CEP131: variants seen among roughly 807,000 people sequenced by gnomAD.
The protein encoded by CEP131 is centrosomal protein of 131 kDa.
CEP131 carries 99 observed loss-of-function variants against 136.8 expected under a neutral mutation model. That is an observed-to-expected ratio of 0.72 (90% confidence interval 0.62 to 0.86). The LOEUF is 0.86. CEP131 is among the 40% of genes least tolerant of loss of function. The probability of loss-of-function intolerance (pLI) is 0.00; values close to 1 mark genes in which losing one functional copy is unlikely to be tolerated. For missense variants in CEP131, 1,459 were observed against 1,463.0 expected, an observed-to-expected ratio of 1.00 and a Z score of 0.04; for synonymous variants, 646 against 612.7, an observed-to-expected ratio of 1.05 and a Z score of -0.80.
intron 19 of CEP131, 51 bp downstream of exon 19, chr17:81,192,685 G>GGGGGGGGGGGGGGCCCCCCC: frequency 1.0e-5 from 5 of 478,402 alleles, no homozygotes; most frequent in Non-Finnish European, 2.0e-5. Context: ...GGGGGGAGGG[G>GGGGGGGGGGGGGGCCCCCCC]TCAGCCAGCG....
chr17:81,209,266 C>G (rs2062082420), intron 2 of CEP131, among the ~76,000 whole-genome samples: 1 of 152,172 alleles, frequency 6.6e-6, no homozygotes, highest in Non-Finnish European at 1.5e-5. Context: ...CAAGCAGGAG[C>G]CCTTCACCCC....
In CEP131 at chr17:81,198,958, A is replaced by T; in HGVS notation, c.1206T>A (p.Pro402=). The change falls in exon 11 of 26, where the codon CCT becomes CCA. Residue 402 remains proline (P), a synonymous_variant. Coordinates refer to ENST00000450824, the MANE Select transcript of CEP131 (RefSeq NM_014984.4). ...GGCAGCGGTCTCCGGGGCCTGCAGC[A>T]GGGAGGCCACCACCTGCACAGCAGA... is the stretch of plus-strand genomic sequence containing the variant. ...LKANNTGGGL[P]AAGPGDRCLP... The T allele has an allele frequency of 6.4e-7, 1 of 1,574,166 alleles. No homozygotes were observed. The highest frequency in any genetic ancestry group is 8.6e-7 in the Non-Finnish European group (1 of 1,162,096).
At chr17:81,197,576 G>T in intron 13 of CEP131, 136 bp downstream of exon 13, 2 of 1,297,614 alleles carry the variant, frequency 1.5e-6, no homozygotes, top group Non-Finnish European at 2.0e-6. Flanking sequence ...GGGGCCGGGT[G>T]GGGGCTGGCG....
At chr17:81,202,469 C>T (rs1429384737) in intron 6 of CEP131, 71 bp from the exon 7 acceptor site, 2 of 1,537,208 alleles carry the variant, frequency 1.3e-6, no homozygotes, top group Admixed American at 3.6e-5. Context: ...GCAGCAGGTG[C>T]CCACTCCCGG....
In CEP131 at chr17:81,193,999, C is replaced by T. The variant is rs763110139; in HGVS notation, c.2248G>A (p.Glu750Lys). The change falls in exon 18 of 26, where the codon GAG (glutamate) becomes AAG (lysine). Residue 750 changes from glutamate to lysine, a missense_variant. By Grantham distance (56) the Glu-to-Lys change is moderately conservative. Transcript: ENST00000450824. ...RASQRCLRQA[E>K]ELREQLEREK... The stretch of plus-strand genomic sequence containing the variant: ...CGCTCCAGCTGCTCCCGCAGCTCCT[C>T]GGCCTGGCGCAGGCAGCGCTGCGAG... 17 of 1,555,340 alleles carry T rather than the reference C, an allele frequency of 1.1e-5. No homozygotes were observed. Among genetic ancestry groups the T allele is most frequent in the African/African-American group, 2.7e-5 (2 of 73,014 alleles).
Position 81,219,371 on chromosome 17 carries a change from G to A in CEP131, c.177+509C>T, listed in dbSNP as rs140716073. Among the ~76,000 whole-genome samples the A allele has an allele frequency of 0.012, 1,764 of 143,130 alleles. 24 individuals are homozygous for A. Among genetic ancestry groups the A allele is most frequent in the East Asian group, 0.059 (282 of 4,814 alleles). The allele number at this position is 143,130 out of a possible 152,430, so 93.9% of individuals were successfully genotyped here. On this transcript the variant is annotated intron_variant, in intron 2 of 25. Transcript: ENST00000450824. The surrounding 1 kb of genome is among the most constrained non-coding windows in gnomAD (Gnocchi z 4.0). ...TGCAACGGCACGATCTCGGCTCACCGCAACCTCTGCCTCCTGGGTTCGAGC... is the reference window on the plus strand; with the variant it reads ...TGCAACGGCACGATCTCGGCTCACCACAACCTCTGCCTCCTGGGTTCGAGC...
chr17:81,192,715 C>T (rs745806268), intron 19 of CEP131, 21 bp downstream of exon 19: 12 of 1,520,490 alleles, frequency 7.9e-6, no homozygotes, highest in South Asian at 1.1e-5. Flanking sequence ...TGGGAGAGGG[C>T]GTGGTGCCCC....
At position 81,189,975 on chromosome 17, in the gene CEP131, C is replaced by T. The variant is rs538869430; in HGVS notation, c.3108G>A (p.Arg1036=). The T allele has an allele frequency of 1.9e-6, 3 of 1,607,698 alleles. No homozygotes were observed. In the East Asian group the frequency reaches 6.7e-5, roughly 36 times the overall value. Residue 1036 remains arginine (R), a splice_region_variant and synonymous_variant, in exon 25 of 26, where the codon AGG becomes AGA. Transcript: ENST00000450824. ...CCTTCCTCGCGAGGGCTGTCTTCAC[C>T]CTGTGGGTAGTACATGGTAGGCTTC... ...QQLELEEVHR[R]VKTALARKEE...
Position 81,200,469 on chromosome 17 carries a change from G to A in CEP131, c.789-23C>T, listed in dbSNP as rs779761301. On this transcript the variant is annotated intron_variant, in intron 7 of 25. Coordinates refer to ENST00000450824, the MANE Select transcript of CEP131 (RefSeq NM_014984.4). ...AACCTGCCCGGAGAGCAGGACTCAG[G>A]GCCAAGACAGGACCAGCGCCCCGGC... 188 of 1,515,028 alleles carry A rather than the reference G, an allele frequency of 1.2e-4. 1 individual carries two copies. Among genetic ancestry groups the A allele is most frequent in the Admixed American group, 2.2e-4 (11 of 50,188 alleles). The allele number at this position is 1,515,028 out of a possible 1,614,324, so 93.8% of individuals were successfully genotyped here.
intron 1 of CEP131, among the ~76,000 whole-genome samples, chr17:81,221,666 T>C (rs2062391229): frequency 6.6e-6 from 1 of 152,152 alleles, no homozygotes; most frequent in Non-Finnish European, 1.5e-5. Context: ...TGAGCACCCA[T>C]CACTCTTCAC....
At chr17:81,200,813 G>A (rs1204617176) in intron 7 of CEP131, among the ~76,000 whole-genome samples, 6 of 152,224 alleles carry the variant, frequency 3.9e-5, no homozygotes, top group African/African-American at 1.2e-4. Context: ...CAACAGGCCC[G>A]GGACTCAGGC....
chr17:81,207,917 TA>T (rs2062043527), intron 3 of CEP131, among the ~76,000 whole-genome samples: 6 of 986 alleles, frequency 6.1e-3, no homozygotes, highest in Non-Finnish European at 4.4e-3. Context: ...ACACACCACA[TA>T]ACACACACAC....
intron 10 of CEP131, 36 bp downstream of exon 10, chr17:81,199,345 C>T (rs1049354631): frequency 3.2e-6 from 5 of 1,553,980 alleles, no homozygotes; most frequent in Non-Finnish European, 4.3e-6. Context: ...CTGCAGTCCA[C>T]CCCCCAGAGC....
intron 18 of CEP131, among the ~76,000 whole-genome samples, chr17:81,193,384 G>C (rs2061685470): frequency 6.6e-6 from 1 of 152,310 alleles, no homozygotes; most frequent in Middle Eastern, 3.4e-3. Flanking sequence ...AGGAGAGGGT[G>C]GCTTCCAGGC....
intron 2 of CEP131, among the ~76,000 whole-genome samples, chr17:81,212,821 A>C (rs2062164609): frequency 2.0e-5 from 3 of 152,170 alleles, no homozygotes; most frequent in Non-Finnish European, 4.4e-5. Flanking sequence ...AGGACGCACA[A>C]CACCAATGGT....
chr17:81,214,782 AT>A (rs1203736932), intron 2 of CEP131, among the ~76,000 whole-genome samples: 2 of 150,650 alleles, frequency 1.3e-5, no homozygotes, highest in Non-Finnish European at 2.9e-5. Flanking sequence ...AAAAAAAAAA[AT>A]TTTTTTTGAG....
intron 21 of CEP131, 99 bp from the exon 22 acceptor site, chr17:81,191,434 A>C: frequency 8.7e-7 from 1 of 1,153,442 alleles, no homozygotes; most frequent in Non-Finnish European, 1.3e-6. Context: ...GCTCTGAGCC[A>C]CAGGGGAGCA....
intron 6 of CEP131, among the ~76,000 whole-genome samples, chr17:81,202,760 G>A (rs1295885306): frequency 2.6e-5 from 4 of 152,150 alleles, no homozygotes; most frequent in African/African-American, 7.2e-5. Context: ...TCACGAGTTC[G>A]AGACCAGCCT....
intron 24 of CEP131, 21 bp downstream of exon 24, chr17:81,190,618 C>T: frequency 5.8e-6 from 9 of 1,551,938 alleles, no homozygotes; most frequent in Non-Finnish European, 7.8e-6. Flanking sequence ...CGTCTCCAGC[C>T]CTGCAGCCCC....
Sources: gnomAD v4.1 joint callset for allele counts (sites outside exome capture counted in the v4.1 genomes callset) on GRCh38, gnomAD v4.1.1 for gene constraint, Gnocchi (gnomAD v3.1) non-coding constraint, MANE v1.5 for transcripts, NCBI Gene and HGNC (gene_info 2026-07-23, HGNC 2026-07-21) for gene names.